The following DAB1 variants were observed in gnomAD, a reference collection of about 807,000 sequenced individuals.
DAB1 encodes disabled homolog 1.
A neutral mutation model predicts 64.6 loss-of-function variants in DAB1; 15 were observed. The ratio of observed to expected loss-of-function variants is 0.23; its 90% CI spans 0.16 to 0.36. The LOEUF (loss-of-function observed/expected upper bound fraction) is 0.36, where lower values mean the gene tolerates loss of function less well. Among genes scored for constraint, DAB1 ranks in the 10% least tolerant of loss-of-function variants. DAB1 has a pLI of 1.00. For synonymous variants in DAB1, 235 were observed against 251.9 expected (o/e 0.93, Z 0.64); for missense variants, 596 against 706.7 (o/e 0.84, Z 1.78).
chr1:57,361,364 T>C (rs1679536837), intron 1 of DAB1, among the ~76,000 whole-genome samples: 1 of 152,114 alleles, frequency 6.6e-6, no homozygotes, highest in South Asian at 2.1e-4. Context: ...ATCACATAAA[T>C]ATGACCACAT....
chr1:57,421,379 T>C (rs1289455132), intron 1 of DAB1, among the ~76,000 whole-genome samples: 1 of 152,204 alleles, frequency 6.6e-6, no homozygotes, highest in East Asian at 1.9e-4. Context: ...GATATGCCTA[T>C]TCAGACCTCA....
intron 3 of DAB1, 34 bp from the exon 4 acceptor site, chr1:57,136,675 T>C (rs764162364): frequency 2.1e-6 from 3 of 1,425,488 alleles, no homozygotes; most frequent in Non-Finnish European, 2.9e-6. Flanking sequence ...TTTACTTAAG[T>C]GTTTTCATTT....
chr1:57,145,168 A>T, intron 3 of DAB1, 122 bp downstream of exon 3: 1 of 978,210 alleles, frequency 1.0e-6, no homozygotes, highest in Non-Finnish European at 1.5e-6. Context: ...ATGGTGATTC[A>T]ACAGTAAGCC....
intron 5 of DAB1, among the ~76,000 whole-genome samples, chr1:57,949,940 T>C (rs747966257): frequency 3.3e-5 from 5 of 152,202 alleles, no homozygotes; most frequent in Non-Finnish European, 7.3e-5. Context: ...TGTGTATAGA[T>C]ATCTCCATTT....
intron 3 of DAB1, among the ~76,000 whole-genome samples, chr1:58,491,266 A>T (rs899964580): frequency 6.6e-6 from 1 of 152,216 alleles, no homozygotes; most frequent in Non-Finnish European, 1.5e-5. Flanking sequence ...TGAAGGAAGC[A>T]CTAAACATGG....
rs376130413 is a variant in DAB1, at chr1:58,219,025, C to CTCTCTCTGTGTG, written n.310-68438_310-68437insCACACAGAGAGA. 6.3e-4 allele frequency among the ~76,000 whole-genome samples: 82 copies of CTCTCTCTGTGTG among 129,546 alleles called. 1 individual carries two copies. The highest frequency in any genetic ancestry group is 1.4e-3 in the African/African-American group (44 of 32,018). The allele number at this position is 129,546 out of a possible 152,430, so 85.0% of individuals were successfully genotyped here. On this transcript the variant is annotated intron_variant and non_coding_transcript_variant, in intron 4 of 20. Transcript: ENST00000485760. ...TCTCTCTCTCTCTCTCTCTCTCTCT[C>CTCTCTCTGTGTG]TGTGTGTGTGTGTGTGTGTTTCAAT...
At chr1:57,989,574 T>A (rs1024337374) in intron 5 of DAB1, among the ~76,000 whole-genome samples, 1 of 152,128 alleles carries the variant, frequency 6.6e-6, no homozygotes, top group Non-Finnish European at 1.5e-5. Context: ...AAGGTTTTGA[T>A]GGAAACACTA....
intron 5 of DAB1, among the ~76,000 whole-genome samples, chr1:57,890,614 C>T (rs1484877887): frequency 6.6e-6 from 1 of 151,922 alleles, no homozygotes; most frequent in South Asian, 2.1e-4. Context: ...CACTACTATG[C>T]CTGGGTAATT....
chr1:57,742,900 T>C (rs544433298), intron 6 of DAB1, among the ~76,000 whole-genome samples: 23 of 152,308 alleles, frequency 1.5e-4, no homozygotes, highest in Admixed American at 7.2e-4. Context: ...AAGAAGGTCC[T>C]GAGACCAAGC....
intron 4 of DAB1, among the ~76,000 whole-genome samples, chr1:58,187,569 T>G (rs1657148184): frequency 7.1e-6 from 1 of 141,796 alleles, no homozygotes; most frequent in Non-Finnish European, 1.5e-5. Flanking sequence ...TTTTATATAT[T>G]ATTATTATTA....
At chr1:57,388,160 G>A (rs963748059) in intron 1 of DAB1, among the ~76,000 whole-genome samples, 1 of 152,088 alleles carries the variant, frequency 6.6e-6, no homozygotes, top group African/African-American at 2.4e-5. Context: ...TTCTGCACTC[G>A]CAAATGTGAT....
Position 57,251,713 on chromosome 1 carries a change from AGAAGGAATTTTT to A in DAB1, c.67+39239_67+39250del, listed in dbSNP as rs766035388. Among the ~76,000 whole-genome samples the A allele has an allele frequency of 4.9e-4, 75 of 152,354 alleles. 1 individual carries two copies. The highest frequency in any genetic ancestry group is 7.5e-4 in the Non-Finnish European group (51 of 68,044). ...TCCCTTTTAACTTGCTTATTGAAAT[AGAAGGAATTTTT>A]TCCTTGCCAGTCTCTGAAACCCTTT... On this transcript the variant is annotated intron_variant, in intron 2 of 14. Coordinates refer to ENST00000371236, the MANE Select transcript of DAB1 (RefSeq NM_001365792.1).
chr1:57,847,776 T>C (rs926704392), intron 1 of DAB1, among the ~76,000 whole-genome samples: 1 of 152,134 alleles, frequency 6.6e-6, no homozygotes, highest in Non-Finnish European at 1.5e-5. Context: ...CTTCTTGATA[T>C]TGAATGAACA....
intron 5 of DAB1, among the ~76,000 whole-genome samples, chr1:57,903,367 AT>A (rs1387516938): frequency 6.6e-6 from 1 of 152,096 alleles, no homozygotes; most frequent in Non-Finnish European, 1.5e-5. Flanking sequence ...TCCCTTTTCA[AT>A]TTTTAGTATC....
intron 7 of DAB1, among the ~76,000 whole-genome samples, chr1:57,551,923 A>G (rs186334868): frequency 5.4e-4 from 83 of 152,344 alleles, no homozygotes; most frequent in African/African-American, 1.7e-3. Context: ...CAGGCTTTGG[A>G]TGCAATGAAT....
At chr1:58,301,283 G>A (rs764209081) in intron 4 of DAB1, among the ~76,000 whole-genome samples, 23 of 152,026 alleles carry the variant, frequency 1.5e-4, no homozygotes, top group Non-Finnish European at 2.5e-4. Context: ...GAAGTTCTGC[G>A]GAAAGCACTA....
chr1:57,667,529 T>TGTG (rs1646462612), intron 6 of DAB1, among the ~76,000 whole-genome samples: 1 of 152,178 alleles, frequency 6.6e-6, no homozygotes, highest in East Asian at 1.9e-4. Context: ...TGTACTGCCA[T>TGTG]GTCTCCAGAG....
intron 7 of DAB1, among the ~76,000 whole-genome samples, chr1:57,623,197 C>G (rs1051633590): frequency 6.6e-6 from 1 of 152,144 alleles, no homozygotes; most frequent in Non-Finnish European, 1.5e-5. Context: ...GCAGAGCTGA[C>G]AGGAAGCAGG....
At chr1:57,570,219 G>A (rs1033313756) in intron 7 of DAB1, among the ~76,000 whole-genome samples, 1 of 152,064 alleles carries the variant, frequency 6.6e-6, no homozygotes, top group Non-Finnish European at 1.5e-5. Context: ...TGAAAAGAGA[G>A]ACTGGCTTAG....
Sources: allele counts gnomAD v4.1 joint callset (sites outside exome capture counted in the v4.1 genomes callset), GRCh38; gene constraint gnomAD v4.1.1; transcripts MANE v1.5; gene names NCBI Gene and HGNC (gene_info 2026-07-23, HGNC 2026-07-21).